Variants in CNTNAP4 observed in about 807,000 individuals in gnomAD.
CNTNAP4 encodes contactin associated protein family member 4.
In CNTNAP4, 98 loss-of-function variants were observed where a neutral mutation model predicts 148.4. That is an observed-to-expected ratio of 0.66 (90% CI 0.56 to 0.78). The LOEUF is 0.78. Among genes scored for constraint, CNTNAP4 ranks in the 30% least tolerant of loss-of-function variants. CNTNAP4 has a pLI of 0.00. For synonymous variants in CNTNAP4, 730 were observed against 565.1 expected, an observed-to-expected ratio of 1.29 and a Z score of -4.14; for missense variants, 1,935 against 1,565.6, an observed-to-expected ratio of 1.24 and a Z score of -3.98.
chr16:76,395,134 A>C (rs565191950), intron 3 of CNTNAP4, among the ~76,000 whole-genome samples: 2 of 152,264 alleles, frequency 1.3e-5, no homozygotes, highest in East Asian at 1.9e-4. Flanking sequence ...GCCAATTGGG[A>C]GGCACTGCAG....
intron 3 of CNTNAP4, among the ~76,000 whole-genome samples, chr16:76,398,928 CT>C (rs1322327096): frequency 5.9e-5 from 9 of 151,930 alleles, no homozygotes; most frequent in Admixed American, 2.0e-4. Context: ...ATAATCCCCC[CT>C]GTGTCAAGGG....
At chr16:76,325,857 T>G (rs1357917012) in intron 2 of CNTNAP4, among the ~76,000 whole-genome samples, 23 of 152,124 alleles carry the variant, frequency 1.5e-4, no homozygotes. Context: ...AGAAACTTTC[T>G]GCTAATTTTG....
intron 12 of CNTNAP4, among the ~76,000 whole-genome samples, chr16:76,487,719 C>T (rs1194671161): frequency 6.6e-6 from 1 of 152,160 alleles, no homozygotes; most frequent in East Asian, 1.9e-4. Context: ...CCTTGTAGTG[C>T]TTTTTATTAG....
chr16:76,460,725 C>T (rs2080914144), intron 8 of CNTNAP4, among the ~76,000 whole-genome samples: 1 of 100,224 alleles, frequency 1.0e-5, no homozygotes, highest in South Asian at 3.4e-4. Flanking sequence ...TGCACTCCAG[C>T]CTGGGCGACA....
At chr16:76,370,302 C>G (rs2014650415) in intron 3 of CNTNAP4, among the ~76,000 whole-genome samples, 1 of 151,060 alleles carries the variant, frequency 6.6e-6, no homozygotes, top group South Asian at 2.1e-4. Context: ...AAAAAAAAAT[C>G]CTTAGTTCTG....
At chr16:76,543,869 T>C (rs1399485847) in intron 21 of CNTNAP4, among the ~76,000 whole-genome samples, 3 of 152,196 alleles carry the variant, frequency 2.0e-5, no homozygotes, top group African/African-American at 7.2e-5. Flanking sequence ...AGGCACATTC[T>C]CACGTTTCCG....
chr16:76,405,832 C>G (rs886872926), intron 3 of CNTNAP4, among the ~76,000 whole-genome samples: 3 of 151,628 alleles, frequency 2.0e-5, no homozygotes, highest in Non-Finnish European at 4.4e-5. Flanking sequence ...TTTTACATAG[C>G]TAAAGAATAT....
intron 2 of CNTNAP4, among the ~76,000 whole-genome samples, chr16:76,336,488 C>G (rs138865152): frequency 1.3e-5 from 2 of 152,142 alleles, no homozygotes; most frequent in African/African-American, 4.8e-5. Flanking sequence ...TACCACTGAT[C>G]AGAACTTATC....
chr16:76,389,081 A>T (rs987969791), intron 3 of CNTNAP4, among the ~76,000 whole-genome samples: 1 of 152,228 alleles, frequency 6.6e-6, no homozygotes, highest in South Asian at 2.1e-4. Context: ...ATAATAGAGT[A>T]TAAGTATGTG....
chr16:76,427,227 G>C (rs568474879), intron 3 of CNTNAP4, among the ~76,000 whole-genome samples: 7 of 152,262 alleles, frequency 4.6e-5, no homozygotes, highest in Middle Eastern at 3.4e-3. Flanking sequence ...AGTTTAATGG[G>C]GTGGTAGAAT....
At position 76,559,005 on chromosome 16, in the gene CNTNAP4, A is replaced by G. The variant is rs2085313830; in HGVS notation, c.*322A>G. On this transcript the variant is annotated 3_prime_UTR_variant, in exon 24 of 24. Transcript: ENST00000611870. ...AGCCTTGGTCTCTTAACCATGTAAT[A>G]CATAAGTTTTGTTAGAGGTAAAAAT... The G allele has an allele frequency of 5.8e-6, 1 of 173,664 alleles. No homozygotes were observed. The highest frequency in any genetic ancestry group is 2.4e-5 in the African/African-American group (1 of 42,410). The allele number at this position is 173,664 out of a possible 1,614,324, so 10.8% of individuals were successfully genotyped here.
At chr16:76,454,288 A>G (rs1463407123) in intron 8 of CNTNAP4, among the ~76,000 whole-genome samples, 1 of 151,874 alleles carries the variant, frequency 6.6e-6, no homozygotes, top group Non-Finnish European at 1.5e-5. Flanking sequence ...CTAATTTGGT[A>G]TTTTTTAGTT....
chr16:76,368,537 C>G (rs1389933073), intron 3 of CNTNAP4, among the ~76,000 whole-genome samples: 3 of 152,120 alleles, frequency 2.0e-5, no homozygotes, highest in African/African-American at 7.2e-5. Flanking sequence ...ATGGATGAAG[C>G]TGGAAACCAT....
chr16:76,548,099 C>T (rs757589133), intron 21 of CNTNAP4, among the ~76,000 whole-genome samples: 1 of 152,162 alleles, frequency 6.6e-6, no homozygotes, highest in Non-Finnish European at 1.5e-5. Context: ...AAGTTTATAA[C>T]TCAGTACAGT....
chr16:76,427,416 A>G (rs2145046916), intron 3 of CNTNAP4, 36 bp from the exon 4 acceptor site: 2 of 1,576,480 alleles, frequency 1.3e-6, no homozygotes, highest in East Asian at 2.3e-5. Context: ...GATGTTCTCC[A>G]GATACATTGA....
At chr16:76,542,765 G>A (rs8046642) in intron 21 of CNTNAP4, among the ~76,000 whole-genome samples, 32,877 of 151,930 alleles carry the variant, frequency 0.22, 3,767 homozygotes, top group African/African-American at 0.29. Flanking sequence ...GTGCAACTGT[G>A]ATTTGGAAGA....
At chr16:76,353,947 T>C (rs1165154518) in intron 2 of CNTNAP4, among the ~76,000 whole-genome samples, 1 of 152,204 alleles carries the variant, frequency 6.6e-6, no homozygotes, top group Non-Finnish European at 1.5e-5. Flanking sequence ...AATTAGGTCT[T>C]GTACTCAAGG....
chr16:76,338,228 A>G (rs2144320866), intron 2 of CNTNAP4, among the ~76,000 whole-genome samples: 1 of 152,248 alleles, frequency 6.6e-6, no homozygotes, highest in Middle Eastern at 3.4e-3. Context: ...TAATTTTGGG[A>G]GCTGATAGAT....
chr16:76,384,174 G>T (rs1239246890), intron 3 of CNTNAP4, among the ~76,000 whole-genome samples: 3 of 151,964 alleles, frequency 2.0e-5, no homozygotes, highest in Non-Finnish European at 4.4e-5. Context: ...CTCCTGAGTA[G>T]CTGGGATTAC....
Sources: allele counts gnomAD v4.1 joint callset (sites outside exome capture counted in the v4.1 genomes callset), GRCh38; gene constraint gnomAD v4.1.1; transcripts MANE v1.5; gene names NCBI Gene and HGNC (gene_info 2026-07-23, HGNC 2026-07-21).